Variants in CHODL observed in about 807,000 individuals in gnomAD.
CHODL encodes transmembrane protein MT75.
CHODL carries 29 observed loss-of-function variants against 34.5 expected under a neutral mutation model. The ratio of observed to expected loss-of-function variants is 0.84; its 90% CI spans 0.63 to 1.15. The LOEUF (loss-of-function observed/expected upper bound fraction) is 1.15. Ranked by LOEUF, CHODL falls within the 50% of genes most tolerant of loss-of-function variation. The probability of loss-of-function intolerance (pLI) is 0.00; values close to 1 mark genes in which losing one functional copy is unlikely to be tolerated. For synonymous variants in CHODL, 125 were observed against 116.1 expected (o/e 1.08, Z -0.49); for missense variants, 332 against 332.5 (o/e 1.00, Z 0.01).
At chr21:18,165,440 A>G (rs1390282701) in intron 2 of CHODL, among the ~76,000 whole-genome samples, 1 of 152,208 alleles carries the variant, frequency 6.6e-6, no homozygotes, top group African/African-American at 2.4e-5. Flanking sequence ...ATTGCTGCAT[A>G]TAGAAACTCA....
intron 2 of CHODL, among the ~76,000 whole-genome samples, chr21:18,059,493 C>CTT (rs11316292): frequency 4.2e-5 from 6 of 143,002 alleles, no homozygotes; most frequent in African/African-American, 7.7e-5. Flanking sequence ...AACTCATGAT[C>CTT]TTTTTTTTTT....
intron 1 of CHODL, among the ~76,000 whole-genome samples, chr21:17,982,285 T>C (rs1600856075): frequency 6.6e-6 from 1 of 152,344 alleles, no homozygotes; most frequent in East Asian, 1.9e-4. Flanking sequence ...TCTAGGCCAC[T>C]CTGACCAGCA....
intron 1 of CHODL, among the ~76,000 whole-genome samples, chr21:18,019,870 A>G (rs1427637304): frequency 8.5e-5 from 13 of 152,062 alleles, no homozygotes; most frequent in Admixed American, 7.9e-4. Context: ...AAGAAAAGCA[A>G]TAGAGCAGGG....
intron 1 of CHODL, among the ~76,000 whole-genome samples, chr21:17,983,680 A>G (rs1202428559): frequency 6.6e-6 from 1 of 152,182 alleles, no homozygotes; most frequent in African/African-American, 2.4e-5. Context: ...AATTTATGAA[A>G]TACTAGCTTA....
rs114185671 is a variant in CHODL at position 18,049,796 on chromosome 21, A to C, written c.-45+21825A>C. Among the ~76,000 whole-genome samples, 1,273 of 152,072 alleles carry C rather than the reference A, an allele frequency of 8.4e-3. 25 individuals are homozygous for C. The highest frequency in any genetic ancestry group is 0.029 in the African/African-American group (1,210 of 41,496). Reference sequence around the variant, plus strand: ...TTTTAACATAATCATCTCATTAAAGACCTTTTCTTCAAATACGGCTGCATT... The same window carrying C: ...TTTTAACATAATCATCTCATTAAAGCCCTTTTCTTCAAATACGGCTGCATT... On this transcript the variant is annotated intron_variant, in intron 2 of 6. Transcript: ENST00000400127.
chr21:17,982,386 T>C (rs2146376932), intron 1 of CHODL, among the ~76,000 whole-genome samples: 1 of 152,264 alleles, frequency 6.6e-6, no homozygotes, highest in Admixed American at 6.5e-5. Flanking sequence ...GAAGATTTTA[T>C]AAATAAAACA....
At chr21:18,093,208 A>G (rs1337033478) in intron 2 of CHODL, among the ~76,000 whole-genome samples, 1 of 152,144 alleles carries the variant, frequency 6.6e-6, no homozygotes, top group Non-Finnish European at 1.5e-5. Flanking sequence ...GAAAGAAAAA[A>G]CACTCTTACC....
chr21:18,183,966 T>TA (rs915055142), intron 2 of CHODL, among the ~76,000 whole-genome samples: 4 of 152,044 alleles, frequency 2.6e-5, no homozygotes, highest in Admixed American at 6.5e-5. Flanking sequence ...TTTCTTTTTT[T>TA]AAAAAAACCT....
intron 2 of CHODL, among the ~76,000 whole-genome samples, chr21:18,161,104 G>C (rs1224563010): frequency 6.6e-6 from 1 of 151,726 alleles, no homozygotes; most frequent in Non-Finnish European, 1.5e-5. Context: ...TCATATGCTT[G>C]TTGGCTGCAT....
At chr21:18,078,055 G>A (rs923139271) in intron 2 of CHODL, among the ~76,000 whole-genome samples, 1 of 152,238 alleles carries the variant, frequency 6.6e-6, no homozygotes, top group Admixed American at 6.5e-5. Context: ...CCATTTACAC[G>A]ATATCTCTTT....
At chr21:18,134,764 G>A (rs1288586260) in intron 2 of CHODL, among the ~76,000 whole-genome samples, 1 of 152,124 alleles carries the variant, frequency 6.6e-6, no homozygotes, top group Non-Finnish European at 1.5e-5. Context: ...ACATTTGGGT[G>A]ACACTTTAAG....
At chr21:18,155,224 T>A (rs1381100858) in intron 2 of CHODL, among the ~76,000 whole-genome samples, 1 of 152,208 alleles carries the variant, frequency 6.6e-6, no homozygotes, top group African/African-American at 2.4e-5. Flanking sequence ...AAAGTGTCAC[T>A]GATATTCCTG....
At chr21:18,110,791 CA>C (rs2065339321) in intron 2 of CHODL, among the ~76,000 whole-genome samples, 1 of 152,164 alleles carries the variant, frequency 6.6e-6, no homozygotes, top group Non-Finnish European at 1.5e-5. Flanking sequence ...TTCTAAGTAA[CA>C]GACATGCAGT....
In CHODL at chr21:18,090,338, C is replaced by T. The variant is rs183423252; in HGVS notation, c.-45+62367C>T. On this transcript the variant is annotated intron_variant, in intron 2 of 6. Coordinates refer to the CHODL transcript ENST00000400127. ...AGACCCTGGTTCTGTGCCAAGGATG[C>T]CTATTTATAGTGGATCCAAGAGCCT... 3.5e-4 allele frequency among the ~76,000 whole-genome samples: 53 copies of T among 152,074 alleles called. No individual in the cohort carries two copies. The Middle Eastern group carries it at 0.017, about 49-fold the overall frequency.
intron 1 of CHODL, among the ~76,000 whole-genome samples, chr21:18,013,004 T>C (rs980598134): frequency 2.6e-5 from 4 of 152,222 alleles, no homozygotes; most frequent in Middle Eastern, 3.2e-3. Flanking sequence ...GAAGTTCTGG[T>C]AATTATCTCA....
At chr21:17,973,621 C>T (rs1319797882) in intron 1 of CHODL, among the ~76,000 whole-genome samples, 1 of 151,194 alleles carries the variant, frequency 6.6e-6, no homozygotes, top group African/African-American at 2.4e-5. Flanking sequence ...GGAGTTTCAC[C>T]GTGTTAGCCG....
chr21:18,248,936 T>C (rs1377844901), intron 1 of CHODL, among the ~76,000 whole-genome samples: 1 of 113,590 alleles, frequency 8.8e-6, no homozygotes, highest in East Asian at 2.2e-4. Context: ...TATACATATA[T>C]ATTATGTATA....
chr21:18,188,835 A>T lies in CHODL; in HGVS notation c.-44-67674A>T, dbSNP rs528346254. Among the ~76,000 whole-genome samples the T allele has an allele frequency of 5.9e-5, 9 of 152,378 alleles. No individual in the cohort carries two copies. In the South Asian group the frequency reaches 8.3e-4, roughly 14 times the overall value. On this transcript the variant is annotated intron_variant, in intron 2 of 6. Transcript: ENST00000400127. ...AAGGAATGGGGAATAGGCATGCCGT[A>T]GTAAACGATGTGCGTGTTCAGAGAG...
At chr21:18,042,896 G>A (rs1031679086) in intron 2 of CHODL, among the ~76,000 whole-genome samples, 4 of 151,814 alleles carry the variant, frequency 2.6e-5, no homozygotes, top group African/African-American at 9.7e-5. Context: ...TTTAAGAATG[G>A]TCATGTTCTG....
Sources: allele counts gnomAD v4.1 joint callset (sites outside exome capture counted in the v4.1 genomes callset), GRCh38; gene constraint gnomAD v4.1.1; transcripts MANE v1.5; gene names NCBI Gene and HGNC (gene_info 2026-07-23, HGNC 2026-07-21).